Variants in GPR22 observed in about 807,000 individuals in gnomAD.
The protein encoded by GPR22 is G-protein coupled receptor 22.
In GPR22, 13 loss-of-function variants were observed where a neutral mutation model predicts 31.0. The observed-to-expected ratio is 0.42, with a 90% confidence interval of 0.27 to 0.67. The LOEUF (loss-of-function observed/expected upper bound fraction) is 0.67. GPR22 is among the 30% of genes least tolerant of loss of function. The pLI is 0.25. For missense variants in GPR22, 368 were observed against 509.6 expected (o/e 0.72, Z 2.67); for synonymous variants, 191 against 173.4 (o/e 1.10, Z -0.80).
rs773288364 is a variant in GPR22 at position 107,475,349 on chromosome 7, T to G, written c.1289T>G (p.Val430Gly). The change falls in exon 3 of 3, where the codon GTT becomes GGT. Residue 430 changes from valine to glycine, a missense_variant. Coordinates refer to ENST00000304402, the MANE Select transcript of GPR22 (RefSeq NM_005295.3). ...AGAGAAAAATGTTTAGTGCCTCAGG[T>G]TGTCACAGACTAGAGAAAAGTCTCA... ...EIREKCLVPQ[V>G]VTD 6.6e-7 allele frequency: 1 copy of G among 1,507,212 alleles called. No homozygotes were observed. The highest frequency in any genetic ancestry group is 2.3e-5 in the East Asian group (1 of 43,692). 93.4% of individuals were successfully genotyped at this position (1,507,212 alleles called of 1,614,324 possible).
chr7:107,472,323 C>T (rs1796682383), intron 2 of GPR22, 21 bp downstream of exon 2: 1 of 151,746 alleles, frequency 6.6e-6, no homozygotes, highest in Non-Finnish European at 1.5e-5. Flanking sequence ...ATGTCAAAAT[C>T]TGTCAATGAT....
Position 107,475,369 on chromosome 7 carries a change from G to C in GPR22, c.*7G>C, listed in dbSNP as rs759495387. On this transcript the variant is annotated 3_prime_UTR_variant, in exon 3 of 3. Coordinates refer to ENST00000304402, the MANE Select transcript of GPR22 (RefSeq NM_005295.3). ...TCAGGTTGTCACAGACTAGAGAAAA[G>C]TCTCAGTTTCACCAAATCCACATTC... is the stretch of plus-strand genomic sequence containing the variant. 3 of 1,329,058 alleles carry C rather than the reference G, an allele frequency of 2.3e-6. No homozygotes were observed. The Admixed American group carries it at 7.6e-5, about 33-fold the overall frequency. The allele number at this position is 1,329,058 out of a possible 1,614,324, so 82.3% of individuals were successfully genotyped here. A position where few individuals can be genotyped will look rare whatever the true frequency, so the allele number is the denominator to read the frequency against.
rs1399434141 is a variant in GPR22 at position 107,472,033 on chromosome 7, G to A, written c.-296G>A. The stretch of plus-strand genomic sequence containing the variant: ...TAAATATATTTTAGAAGCTACAAAC[G>A]TTATGTTTCCTTTTTTGTTTTCACA... On this transcript the variant is annotated 5_prime_UTR_variant, in exon 2 of 3. Transcript: ENST00000304402. 5 of 152,016 alleles carry A rather than the reference G, an allele frequency of 3.3e-5. No homozygotes were observed. In the South Asian group the frequency reaches 6.2e-4, roughly 19 times the overall value. The allele number at this position is 152,016 out of a possible 1,614,324, so 9.4% of individuals were successfully genotyped here.
chr7:107,475,520 A>G lies in GPR22; in HGVS notation c.*158A>G. On this transcript the variant is annotated 3_prime_UTR_variant, in exon 3 of 3. Transcript: ENST00000304402. ...CAATTAGATAGGTCATATATATTCA[A>G]TTTCTTCATTACTTAATGTATTTGT... The G allele has an allele frequency of 2.0e-6, 1 of 501,994 alleles. No homozygotes were observed. Among genetic ancestry groups the G allele is most frequent in the East Asian group, 3.1e-5 (1 of 31,886 alleles). 31.1% of individuals were successfully genotyped at this position (501,994 alleles called of 1,614,324 possible). A position where few individuals can be genotyped will look rare whatever the true frequency, so the allele number is the denominator to read the frequency against.
At chr7:107,472,399 G>A (rs1796689603) in intron 2 of GPR22, 97 bp downstream of exon 2, 1 of 151,920 alleles carries the variant, frequency 6.6e-6, no homozygotes, top group Non-Finnish European at 1.5e-5. Flanking sequence ...ACAGCAAACA[G>A]GTAGGTCAGA....
intron 1 of GPR22, among the ~76,000 whole-genome samples, chr7:107,471,077 G>A (rs1421580472): frequency 6.6e-6 from 1 of 151,852 alleles, no homozygotes; most frequent in East Asian, 1.9e-4. Flanking sequence ...TGAAAATACA[G>A]GTTAGCTTCT....
At chr7:107,472,330 T>A (rs1394698069) in intron 2 of GPR22, 28 bp downstream of exon 2, 1 of 151,764 alleles carries the variant, frequency 6.6e-6, no homozygotes, top group Non-Finnish European at 1.5e-5. Context: ...AATCTGTCAA[T>A]GATATCATGT....
At chr7:107,471,250 T>C (rs941148366) in intron 1 of GPR22, 122 bp from the exon 2 acceptor site, 4 of 152,126 alleles carry the variant, frequency 2.6e-5, no homozygotes, top group African/African-American at 9.6e-5. Flanking sequence ...GCTCTAATAA[T>C]AACAGTTTGG....
chr7:107,472,160 A>G lies in GPR22; in HGVS notation c.-169A>G, dbSNP rs1156430327. On this transcript the variant is annotated 5_prime_UTR_variant, in exon 2 of 3. Coordinates refer to ENST00000304402, the MANE Select transcript of GPR22 (RefSeq NM_005295.3). ...TCTTGGCCGTGACTTTTTAAAGCAA[A>G]ACAAATACAAATATTATGTACTGTT... 1.3e-5 allele frequency: 2 copies of G among 152,040 alleles called. No individual in the cohort carries two copies. The highest frequency in any genetic ancestry group is 2.4e-5 in the African/African-American group (1 of 41,438). The allele number at this position is 152,040 out of a possible 1,614,324, so 9.4% of individuals were successfully genotyped here.
downstream of GPR22, among the ~76,000 whole-genome samples, chr7:107,476,183 T>TAACAAAAAAAAAAAA (rs1563056700): frequency 1.2e-5 from 1 of 86,514 alleles, no homozygotes; most frequent in Non-Finnish European, 2.2e-5. Context: ...TGCAATGATT[T>TAACAAAAAAAAAAAA]TAAAAAAAAA....
At position 107,475,225 on chromosome 7, in the gene GPR22, A is replaced by C. The variant is rs764376493; in HGVS notation, c.1165A>C (p.Ile389Leu). 1 of 1,611,516 alleles carries C rather than the reference A, an allele frequency of 6.2e-7. No homozygotes were observed. The highest frequency in any genetic ancestry group is 8.5e-7 in the Non-Finnish European group (1 of 1,178,060). The change falls in exon 3 of 3, where the codon ATA becomes CTA. Residue 389 changes from isoleucine (I) to leucine (L), a missense_variant. Ile to Leu is a conservative substitution (Grantham distance 5). Transcript: ENST00000304402. ...KSKMKKRVVS[I>L]VEADPLPNNA... ...TAAAATGAAAAAGCGAGTTGTTTCTATAGTAGAAGCTGATCCCCTGCCTAA... is the reference window on the plus strand; with the variant it reads ...TAAAATGAAAAAGCGAGTTGTTTCTCTAGTAGAAGCTGATCCCCTGCCTAA...
At position 107,474,763 on chromosome 7, in the gene GPR22, C is replaced by T; in HGVS notation, c.703C>T (p.Leu235Phe). Residue 235 changes from leucine (L) to phenylalanine (F), a missense_variant, in exon 3 of 3, where the codon CTT becomes TTT. Leu to Phe is a conservative substitution (Grantham distance 22). Transcript: ENST00000304402. This position sits in a 1 kb window ranked among gnomAD's most constrained non-coding sequence, Gnocchi z 5.7. The part of the protein sequence containing the change: ...VVMLITYTKI[L>F]QALNIRIGTR... ...AATGTTAATCACATACACCAAAATA[C>T]TTCAGGCTCTTAATATTCGAATAGG... The T allele has an allele frequency of 1.2e-6, 2 of 1,610,662 alleles. No individual in the cohort carries two copies. The highest frequency in any genetic ancestry group is 1.7e-6 in the Non-Finnish European group (2 of 1,178,354).
At position 107,474,114 on chromosome 7, in the gene GPR22, A is replaced by C; in HGVS notation, c.54A>C (p.Thr18=). 2 of 1,607,290 alleles carry C rather than the reference A, an allele frequency of 1.2e-6. No individual in the cohort carries two copies. The highest frequency in any genetic ancestry group is 1.7e-6 in the Non-Finnish European group (2 of 1,175,682). Residue 18 remains threonine (T), a synonymous_variant, in exon 3 of 3, where the codon ACA becomes ACC. Coordinates refer to ENST00000304402, the MANE Select transcript of GPR22 (RefSeq NM_005295.3). The surrounding 1 kb of genome is among the most constrained non-coding windows in gnomAD (Gnocchi z 5.7). The part of the protein sequence containing the change: ...EINMQSESNI[T]VRDDIDDINT... ...ACATGCAGTCTGAATCTAACATTAC[A>C]GTGCGAGATGACATTGATGACATCA... is the stretch of plus-strand genomic sequence containing the variant.
At position 107,475,064 on chromosome 7, in the gene GPR22, C is replaced by G; in HGVS notation, c.1004C>G (p.Thr335Ser). 2 of 1,612,984 alleles carry G rather than the reference C, an allele frequency of 1.2e-6. No homozygotes were observed. The highest frequency in any genetic ancestry group is 2.2e-5 in the South Asian group (2 of 91,040). ...ACACCAATTTCTGTTTTAAATACCA[C>G]CATTTTATGTTTAGGCCCAAGTGAC... The part of the protein sequence containing the change: ...CWTPISVLNT[T>S]ILCLGPSDLL... The change falls in exon 3 of 3, where the codon ACC (threonine) becomes AGC (serine). Residue 335 changes from threonine to serine, a missense_variant. Physicochemically the swap from Thr to Ser is moderately conservative, Grantham distance 58. Coordinates refer to ENST00000304402, the MANE Select transcript of GPR22 (RefSeq NM_005295.3).
intron 1 of GPR22, 119 bp downstream of exon 1, chr7:107,470,564 G>A (rs1019263127): frequency 3.3e-5 from 5 of 152,076 alleles, no homozygotes; most frequent in Admixed American, 6.6e-5. Flanking sequence ...CTTATTGCTA[G>A]ACATGTATTT....
chr7:107,475,347 G>A lies in GPR22; in HGVS notation c.1287G>A (p.Gln429=), dbSNP rs770054981. 2 of 1,506,778 alleles carry A rather than the reference G, an allele frequency of 1.3e-6. No homozygotes were observed. The highest frequency in any genetic ancestry group is 1.3e-5 in the South Asian group (1 of 77,654). 93.3% of individuals were successfully genotyped at this position (1,506,778 alleles called of 1,614,324 possible). ...SEIREKCLVP[Q]VVTD is the part of the protein sequence containing the mutation. ...TAAGAGAAAAATGTTTAGTGCCTCAGGTTGTCACAGACTAGAGAAAAGTCT... is the reference window on the plus strand; with the variant it reads ...TAAGAGAAAAATGTTTAGTGCCTCAAGTTGTCACAGACTAGAGAAAAGTCT... Residue 429 remains glutamine (Q), a synonymous_variant, in exon 3 of 3, where the codon CAG becomes CAA. Transcript: ENST00000304402.
rs1331709606 is a variant in GPR22, at chr7:107,471,354, T to G, written c.-957-18T>G. Reference sequence around the variant, plus strand: ...ATTAAAAACCCTATTTCTTAACCAATTTTCTTCTTTTCACAAGGGCCAATA... The same window carrying G: ...ATTAAAAACCCTATTTCTTAACCAAGTTTCTTCTTTTCACAAGGGCCAATA... On this transcript the variant is annotated intron_variant, in intron 1 of 2. Transcript: ENST00000304402. 1 of 152,076 alleles carries G rather than the reference T, an allele frequency of 6.6e-6. No individual in the cohort carries two copies. The highest frequency in any genetic ancestry group is 1.5e-5 in the Non-Finnish European group (1 of 67,956). 9.4% of individuals were successfully genotyped at this position (152,076 alleles called of 1,614,324 possible).
chr7:107,474,139 A>C lies in GPR22; in HGVS notation c.79A>C (p.Asn27His). 6.2e-7 allele frequency: 1 copy of C among 1,607,648 alleles called. No individual in the cohort carries two copies. The highest frequency in any genetic ancestry group is 1.3e-5 in the African/African-American group (1 of 74,882). ...ITVRDDIDDI[N>H]TNMYQPLSYP... ...AGTGCGAGATGACATTGATGACATC[A>C]ACACCAATATGTACCAACCACTATC... The change falls in exon 3 of 3, where the codon AAC (asparagine) becomes CAC (histidine). Residue 27 changes from asparagine to histidine, a missense_variant. Coordinates refer to ENST00000304402, the MANE Select transcript of GPR22 (RefSeq NM_005295.3). This position sits in a 1 kb window ranked among gnomAD's most constrained non-coding sequence, Gnocchi z 5.7.
Position 107,475,498 on chromosome 7 carries a change from T to G in GPR22, c.*136T>G. 5 of 561,384 alleles carry G rather than the reference T, an allele frequency of 8.9e-6. No homozygotes were observed. Among genetic ancestry groups the G allele is most frequent in the Non-Finnish European group, 1.3e-5 (4 of 315,150 alleles). 34.8% of individuals were successfully genotyped at this position (561,384 alleles called of 1,614,324 possible). ...TGTAAATTTTCAATGTGAATGTCAA[T>G]TAGATAGGTCATATATATTCAATTT... is the stretch of plus-strand genomic sequence containing the variant. On this transcript the variant is annotated 3_prime_UTR_variant, in exon 3 of 3. Transcript: ENST00000304402.
Sources: allele counts gnomAD v4.1 joint callset (sites outside exome capture counted in the v4.1 genomes callset), GRCh38; gene constraint gnomAD v4.1.1; non-coding constraint Gnocchi (gnomAD v3.1); transcripts MANE v1.5; gene names NCBI Gene and HGNC (gene_info 2026-07-23, HGNC 2026-07-21).